The following TRPC4 variants were observed in gnomAD, a reference collection of about 807,000 sequenced individuals.
The protein encoded by TRPC4 is short transient receptor potential channel 4.
Under a neutral mutation model 99.4 loss-of-function variants are expected in TRPC4, and 49 were observed. That is an observed-to-expected ratio of 0.49 (90% CI 0.39 to 0.63). TRPC4 has a LOEUF of 0.63. Ranked by LOEUF, TRPC4 falls within the 20% of genes least tolerant of loss-of-function variation. TRPC4 has a pLI of 0.00. For missense variants in TRPC4, 898 were observed against 1,152.9 expected (o/e 0.78, Z 3.20); for synonymous variants, 454 against 425.9 (o/e 1.07, Z -0.81).
intron 3 of TRPC4, among the ~76,000 whole-genome samples, chr13:37,722,824 A>G (rs1566121670): frequency 6.6e-6 from 1 of 152,208 alleles, no homozygotes; most frequent in Non-Finnish European, 1.5e-5. Flanking sequence ...ATGAAAAAAA[A>G]AAGATGAACA....
In TRPC4 at chr13:37,636,945, T is replaced by G. The variant is rs1389533565; in HGVS notation, c.2892A>C (p.Pro964=). The G allele has an allele frequency of 6.2e-7, 1 of 1,613,204 alleles. No individual in the cohort carries two copies. The highest frequency in any genetic ancestry group is 8.5e-7 in the Non-Finnish European group (1 of 1,179,572). The stretch of plus-strand genomic sequence containing the variant: ...CGTAATCTTCGTGGGTGACTGTGTC[T>G]GGGAGGTTTAGATCATAGTCTATAC... ...DSSIDYDLNL[P]DTVTHEDYVT... The change falls in exon 11 of 11, where the codon CCA becomes CCC. Residue 964 remains proline, a synonymous_variant. Coordinates refer to ENST00000379705, the MANE Select transcript of TRPC4 (RefSeq NM_016179.4).
At chr13:37,691,235 G>A (rs1014501339) in intron 4 of TRPC4, among the ~76,000 whole-genome samples, 36 of 152,144 alleles carry the variant, frequency 2.4e-4, no homozygotes, top group Non-Finnish European at 4.3e-4. Context: ...CCGAGTAGCT[G>A]GGACTACAGG....
chr13:37,644,687 G>A (rs1366536662), intron 8 of TRPC4, among the ~76,000 whole-genome samples: 1 of 151,748 alleles, frequency 6.6e-6, no homozygotes, highest in East Asian at 2.0e-4. Context: ...TGGCTAACAC[G>A]GTGAAACTCC....
At chr13:37,707,801 T>A (rs1311488301) in intron 3 of TRPC4, among the ~76,000 whole-genome samples, 2 of 152,140 alleles carry the variant, frequency 1.3e-5, no homozygotes, top group South Asian at 4.1e-4. Flanking sequence ...CTAGGAATGG[T>A]GTGATTAGGA....
intron 1 of TRPC4, among the ~76,000 whole-genome samples, chr13:37,802,854 G>A (rs376676072): frequency 2.3e-4 from 35 of 152,122 alleles, no homozygotes; most frequent in Middle Eastern, 3.4e-3. Context: ...TACATCAGGG[G>A]ATCTTGCCTG....
chr13:37,675,191 A>G (rs1479696251), intron 4 of TRPC4, among the ~76,000 whole-genome samples: 3 of 152,178 alleles, frequency 2.0e-5, no homozygotes, highest in Non-Finnish European at 4.4e-5. Context: ...TCTTCCTAGG[A>G]TGTAGAAAGT....
intron 7 of TRPC4, 119 bp downstream of exon 7, chr13:37,654,969 T>C: frequency 3.9e-6 from 3 of 775,536 alleles, no homozygotes; most frequent in Non-Finnish European, 5.5e-6. Flanking sequence ...TTATAATTCT[T>C]ATCTGTCTAA....
intron 1 of TRPC4, among the ~76,000 whole-genome samples, chr13:37,868,405 A>G (rs990096044): frequency 2.0e-5 from 3 of 152,132 alleles, no homozygotes; most frequent in Admixed American, 6.5e-5. Context: ...CAACACAATG[A>G]TGAAGATTTC....
Position 37,636,709 on chromosome 13 carries a change from CA to C in TRPC4, c.*193del, listed in dbSNP as rs1951528423. The C allele has an allele frequency of 1.7e-6, 1 of 593,974 alleles. No individual in the cohort carries two copies. Among genetic ancestry groups the C allele is most frequent in the African/African-American group, 1.9e-5 (1 of 52,432 alleles). The allele number at this position is 593,974 out of a possible 1,614,324, so 36.8% of individuals were successfully genotyped here. ...ACAATTGTAAGACAAATTGTGAAAG[CA>C]AAAGCAGGCTACAAAACAAAAAGGT... is the stretch of plus-strand genomic sequence containing the variant. On this transcript the variant is annotated 3_prime_UTR_variant, in exon 11 of 11. Transcript: ENST00000379705.
At chr13:37,699,896 A>G (rs550125910) in intron 3 of TRPC4, among the ~76,000 whole-genome samples, 7 of 152,316 alleles carry the variant, frequency 4.6e-5, no homozygotes, top group African/African-American at 1.7e-4. Flanking sequence ...CTGATCTGAG[A>G]CAATGAGTGA....
At chr13:37,866,177 A>C (rs1959733565) in intron 1 of TRPC4, among the ~76,000 whole-genome samples, 1 of 151,850 alleles carries the variant, frequency 6.6e-6, no homozygotes, top group African/African-American at 2.4e-5. Context: ...AGATAAAGCT[A>C]TCAAGGCATA....
intron 3 of TRPC4, among the ~76,000 whole-genome samples, chr13:37,721,371 G>C (rs1593586951): frequency 6.6e-6 from 1 of 152,204 alleles, no homozygotes; most frequent in East Asian, 1.9e-4. Context: ...TTATTCCCAA[G>C]GGATGTTGTG....
At chr13:37,688,915 A>C (rs914801308) in intron 4 of TRPC4, among the ~76,000 whole-genome samples, 2 of 152,188 alleles carry the variant, frequency 1.3e-5, no homozygotes, top group African/African-American at 4.8e-5. Flanking sequence ...GAACTATGAA[A>C]TGTTCTGCTA....
rs1274825944 is a variant in TRPC4, at chr13:37,636,443, C to A, written c.*460G>T. ...ATTTGGTAATATTTGTGTTTTAAAGCCAAACTGTAGGACTAGGTGAAAAGT... is the reference window on the plus strand; with the variant it reads ...ATTTGGTAATATTTGTGTTTTAAAGACAAACTGTAGGACTAGGTGAAAAGT... On this transcript the variant is annotated 3_prime_UTR_variant, in exon 11 of 11. Coordinates refer to ENST00000379705, the MANE Select transcript of TRPC4 (RefSeq NM_016179.4). Among the ~76,000 whole-genome samples, 1 of 151,974 alleles carries A rather than the reference C, an allele frequency of 6.6e-6. No homozygotes were observed. The highest frequency in any genetic ancestry group is 1.9e-4 in the East Asian group (1 of 5,182).
intron 3 of TRPC4, among the ~76,000 whole-genome samples, chr13:37,737,323 A>G (rs1206569726): frequency 6.6e-6 from 1 of 152,064 alleles, no homozygotes; most frequent in Non-Finnish European, 1.5e-5. Flanking sequence ...CTGTACTTGC[A>G]TTATTACATT....
chr13:37,795,424 G>T (rs1957220310), intron 1 of TRPC4, among the ~76,000 whole-genome samples: 1 of 152,166 alleles, frequency 6.6e-6, no homozygotes, highest in Admixed American at 6.6e-5. Context: ...GTCAATGGTA[G>T]ACACTTTGTG....
chr13:37,778,210 T>A (rs914658002), intron 2 of TRPC4, among the ~76,000 whole-genome samples: 3 of 152,068 alleles, frequency 2.0e-5, no homozygotes, highest in African/African-American at 7.2e-5. Context: ...CTTCAGAGAC[T>A]CTTGAGTTCC....
intron 5 of TRPC4, 49 bp from the exon 6 acceptor site, chr13:37,663,778 T>C (rs1449799426): frequency 6.8e-7 from 1 of 1,467,342 alleles, no homozygotes; most frequent in Non-Finnish European, 9.2e-7. Context: ...CACACGCATA[T>C]AAATAGATCA....
At chr13:37,660,598 A>G (rs1488161130) in intron 6 of TRPC4, among the ~76,000 whole-genome samples, 1 of 152,192 alleles carries the variant, frequency 6.6e-6, no homozygotes, top group Non-Finnish European at 1.5e-5. Flanking sequence ...AATAATAGAG[A>G]TGAAACCTTA....
Sources: gnomAD v4.1 joint callset for allele counts (sites outside exome capture counted in the v4.1 genomes callset) on GRCh38, gnomAD v4.1.1 for gene constraint, MANE v1.5 for transcripts, NCBI Gene and HGNC (gene_info 2026-07-23, HGNC 2026-07-21) for gene names.